MED13L: variants seen among roughly 807,000 people sequenced by gnomAD.
MED13L encodes the protein mediator of RNA polymerase II transcription subunit 13-like.
MED13L carries 7 observed loss-of-function variants against 220.9 expected under a neutral mutation model. The observed-to-expected ratio is 0.03, with a 90% confidence interval of 0.02 to 0.06. The LOEUF (loss-of-function observed/expected upper bound fraction) is 0.06, where lower values mean the gene tolerates loss of function less well. Among genes scored for constraint, MED13L ranks in the 10% least tolerant of loss-of-function variants. The pLI, the probability that MED13L is intolerant of heterozygous loss-of-function variation, is 1.00. For synonymous variants in MED13L, 1,011 were observed against 1,015.2 expected (o/e 1.00, Z 0.08); for missense variants, 1,965 against 2,760.5 (o/e 0.71, Z 6.46).
intron 17 of MED13L, among the ~76,000 whole-genome samples, 199 bp from the exon 18 acceptor site, chr12:115,987,487 CAAT>C (rs1877774005): frequency 6.6e-6 from 1 of 151,940 alleles, no homozygotes; most frequent in Non-Finnish European, 1.5e-5. Context: ...TTAGTATCAA[CAAT>C]AATAAAAGGG....
intron 2 of MED13L, among the ~76,000 whole-genome samples, chr12:116,141,442 T>G (rs919352521): frequency 6.6e-6 from 1 of 152,138 alleles, no homozygotes; most frequent in South Asian, 2.1e-4. Context: ...AGTAACAAAA[T>G]ATGCAAATAC....
At chr12:116,196,419 C>T (rs1234672774) in intron 2 of MED13L, among the ~76,000 whole-genome samples, 3 of 151,724 alleles carry the variant, frequency 2.0e-5, no homozygotes, top group South Asian at 2.1e-4. Context: ...TCTTCGGCTT[C>T]GGCTGCAACT....
chr12:116,055,573 C>A (rs1003536011), intron 4 of MED13L, among the ~76,000 whole-genome samples: 2 of 152,140 alleles, frequency 1.3e-5, no homozygotes, highest in African/African-American at 4.8e-5. Context: ...AGAACTAATG[C>A]ATTTCATAGC....
chr12:116,078,715 G>A lies in MED13L; in HGVS notation c.479+17954C>T, dbSNP rs1287686257. On this transcript the variant is annotated intron_variant, in intron 4 of 30. Coordinates refer to ENST00000281928, the MANE Select transcript of MED13L (RefSeq NM_015335.5). ...TGCCAGAGCCCATATACCCTACAAA[G>A]CCAAAAATACTAATTATCTGGTCCT... is the stretch of plus-strand genomic sequence containing the variant. Among the ~76,000 whole-genome samples, 16 of 152,142 alleles carry A rather than the reference G, an allele frequency of 1.1e-4. No individual in the cohort carries two copies. The East Asian group carries it at 3.1e-3, about 29-fold the overall frequency.
In MED13L at chr12:116,096,354, C is replaced by CAAAA. The variant is rs537207957; in HGVS notation, c.479+311_479+314dup. On this transcript the variant is annotated intron_variant, in intron 4 of 30. Coordinates refer to ENST00000281928, the MANE Select transcript of MED13L (RefSeq NM_015335.5). ...TGGGTGACAGAGTGAGACACAGCCT[C>CAAAA]AAAAAAAAAAAAAAAAAAAAAAAAA... 9.3e-4 allele frequency among the ~76,000 whole-genome samples: 22 copies of CAAAA among 23,560 alleles called. 3 individuals are homozygous for CAAAA. Among genetic ancestry groups the CAAAA allele is most frequent in the South Asian group, 2.7e-3 (1 of 368 alleles). The allele number at this position is 23,560 out of a possible 152,430, so 15.5% of individuals were successfully genotyped here. A position where few individuals can be genotyped will look rare whatever the true frequency, so the allele number is the denominator to read the frequency against.
At position 116,085,707 on chromosome 12, in the gene MED13L, A is replaced by T. The variant is rs532492323; in HGVS notation, c.479+10962T>A. ...AGTAATGTAGGAATGGGGAAAGGAG[A>T]AAGACTAAATTCTCATCTTCTAAAT... On this transcript the variant is annotated intron_variant, in intron 4 of 30. Coordinates refer to ENST00000281928, the MANE Select transcript of MED13L (RefSeq NM_015335.5). Among the ~76,000 whole-genome samples the T allele has an allele frequency of 2.0e-5, 3 of 148,302 alleles. No individual in the cohort carries two copies. In the South Asian group the frequency reaches 6.5e-4, roughly 32 times the overall value.
intron 11 of MED13L, chr12:116,006,742 T>C: frequency 1.9e-5 from 7 of 378,160 alleles, no homozygotes; most frequent in South Asian, 1.6e-4. Context: ...AAATTATAGA[T>C]TTGGCTTTCT....
At chr12:116,196,124 C>T (rs912692493) in intron 2 of MED13L, among the ~76,000 whole-genome samples, 3 of 152,014 alleles carry the variant, frequency 2.0e-5, no homozygotes, top group Non-Finnish European at 4.4e-5. Flanking sequence ...TACACTGAAT[C>T]ATATATTATC....
intron 2 of MED13L, among the ~76,000 whole-genome samples, chr12:116,180,401 T>C (rs1339304420): frequency 6.6e-6 from 1 of 152,208 alleles, no homozygotes; most frequent in Non-Finnish European, 1.5e-5. Flanking sequence ...TTATTTAAGA[T>C]GTTGCATAAA....
intron 23 of MED13L, among the ~76,000 whole-genome samples, chr12:115,979,472 C>T (rs1039389698): frequency 6.6e-6 from 1 of 152,170 alleles, no homozygotes; most frequent in Non-Finnish European, 1.5e-5. Context: ...ATAAACTAAA[C>T]TAAAACTGCC....
intron 2 of MED13L, among the ~76,000 whole-genome samples, chr12:116,154,981 T>C (rs957260144): frequency 1.1e-4 from 17 of 152,020 alleles, no homozygotes; most frequent in Non-Finnish European, 2.4e-4. Flanking sequence ...CACACAACAC[T>C]ACACCTGGCT....
chr12:116,073,299 C>A (rs980573127), intron 4 of MED13L, among the ~76,000 whole-genome samples: 3 of 152,154 alleles, frequency 2.0e-5, no homozygotes, highest in Admixed American at 1.3e-4. Flanking sequence ...GAAAAGACTT[C>A]TTTCTAGTCT....
chr12:116,214,444 C>T lies in MED13L; in HGVS notation c.310+23024G>A, dbSNP rs1274088012. Among the ~76,000 whole-genome samples the T allele has an allele frequency of 3.3e-5, 5 of 151,940 alleles. No individual in the cohort carries two copies. The South Asian group carries it at 1.0e-3, about 32-fold the overall frequency. ...TTAGACAAAAAGGTTTAAAAAAAAG[C>T]TTCAGAAGACCTATTTCAAAGGCTG... On this transcript the variant is annotated intron_variant, in intron 2 of 30. Coordinates refer to ENST00000281928, the MANE Select transcript of MED13L (RefSeq NM_015335.5).
intron 2 of MED13L, among the ~76,000 whole-genome samples, chr12:116,121,949 G>T (rs944719197): frequency 6.6e-6 from 1 of 152,076 alleles, no homozygotes; most frequent in Non-Finnish European, 1.5e-5. Flanking sequence ...CACAAGTAAA[G>T]GAAGGCACAG....
At chr12:116,261,332 T>C (rs992172214) in intron 1 of MED13L, among the ~76,000 whole-genome samples, 55 of 152,096 alleles carry the variant, frequency 3.6e-4, no homozygotes, top group African/African-American at 1.3e-3. Context: ...CCCGTGTCTC[T>C]ATAAAAATAC....
chr12:116,006,192 AAAGAT>A, intron 12 of MED13L, 109 bp downstream of exon 12: 3 of 1,225,016 alleles, frequency 2.4e-6, no homozygotes, highest in Non-Finnish European at 3.5e-6. Flanking sequence ...AAAATATATT[AAAGAT>A]GAGATGAAAT....
intron 6 of MED13L, 114 bp downstream of exon 6, chr12:116,019,663 AT>A: frequency 7.6e-7 from 1 of 1,310,566 alleles, no homozygotes; most frequent in Non-Finnish European, 1.1e-6. Flanking sequence ...TGTCAAGAGA[AT>A]TTCTTTAAAA....
intron 2 of MED13L, chr12:116,148,609 C>CTATATATATATATATATA (rs3043743): frequency 5.6e-6 from 1 of 178,212 alleles, no homozygotes; most frequent in African/African-American, 2.6e-5. Context: ...ATGGAGATAT[C>CTATATATATATATATATA]TATATATATA....
intron 11 of MED13L, chr12:116,007,142 A>G (rs1162059906): frequency 1.4e-5 from 7 of 484,516 alleles, no homozygotes; most frequent in Non-Finnish European, 1.9e-5. Flanking sequence ...AAGAATTAGC[A>G]TATGAGAGAA....
Sources: gnomAD v4.1 joint callset for allele counts (sites outside exome capture counted in the v4.1 genomes callset) on GRCh38, gnomAD v4.1.1 for gene constraint, MANE v1.5 for transcripts, NCBI Gene and HGNC (gene_info 2026-07-23, HGNC 2026-07-21) for gene names.